Variants in ME3 observed in about 807,000 individuals in gnomAD.
ME3 encodes malic enzyme 3, also known as NADP-dependent malic enzyme, mitochondrial.
A neutral mutation model predicts 68.9 loss-of-function variants in ME3; 48 were observed. That is an observed-to-expected ratio of 0.70 (90% CI 0.55 to 0.89). ME3 has a LOEUF of 0.89. Ranked by LOEUF, ME3 falls within the 40% of genes least tolerant of loss-of-function variation. The pLI, the probability that ME3 is intolerant of heterozygous loss-of-function variation, is 0.00. For synonymous variants in ME3, 320 were observed against 318.8 expected, an observed-to-expected ratio of 1.00 and a Z score of -0.04; for missense variants, 675 against 797.4, an observed-to-expected ratio of 0.85 and a Z score of 1.85.
intron 2 of ME3, among the ~76,000 whole-genome samples, chr11:86,591,550 C>A (rs1565181071): frequency 6.6e-6 from 1 of 152,108 alleles, no homozygotes; most frequent in Admixed American, 6.5e-5. Context: ...CAGGAGAAAC[C>A]AAACCTGTCA....
intron 7 of ME3, among the ~76,000 whole-genome samples, chr11:86,473,627 C>T (rs145665918): frequency 2.5e-4 from 38 of 152,164 alleles, no homozygotes; most frequent in African/African-American, 8.2e-4. Context: ...AAGACACAGT[C>T]AGATGTCATA....
chr11:86,470,978 A>G (rs914007221), intron 7 of ME3, among the ~76,000 whole-genome samples: 10 of 152,092 alleles, frequency 6.6e-5, no homozygotes, highest in Admixed American at 5.2e-4. Context: ...TCTATTGCTG[A>G]ACACCTACTC....
chr11:86,553,303 G>C (rs1219543778), intron 4 of ME3, among the ~76,000 whole-genome samples: 2 of 152,198 alleles, frequency 1.3e-5, no homozygotes, highest in Admixed American at 6.5e-5. Context: ...AGCTTTGGTG[G>C]GGGGCCAGAC....
At position 86,648,639 on chromosome 11, in the gene ME3, G is replaced by T. The variant is rs568117322; in HGVS notation, c.183+23123C>A. ...TAATCTAATAGACATAATAAAAAATGATAAAGGGGATATCACCACTGATCC... is the reference window on the plus strand; with the variant it reads ...TAATCTAATAGACATAATAAAAAATTATAAAGGGGATATCACCACTGATCC... On this transcript the variant is annotated intron_variant, in intron 2 of 14. Coordinates refer to ENST00000543262, the Ensembl canonical transcript of ME3. Among the ~76,000 whole-genome samples, 3 of 152,090 alleles carry T rather than the reference G, an allele frequency of 2.0e-5. No individual in the cohort carries two copies. The East Asian group carries it at 5.8e-4, about 29-fold the overall frequency.
chr11:86,617,049 T>G (rs1035474410), intron 2 of ME3, among the ~76,000 whole-genome samples: 2 of 52,258 alleles, frequency 3.8e-5, no homozygotes, highest in South Asian at 5.5e-4. Flanking sequence ...ATAGTAGTTT[T>G]TTTTTTTTTT....
intron 2 of ME3, among the ~76,000 whole-genome samples, chr11:86,663,568 G>A (rs1485364852): frequency 3.3e-5 from 5 of 152,150 alleles, no homozygotes; most frequent in Admixed American, 3.3e-4. Flanking sequence ...GAAGGTTTTT[G>A]AAACTGACTG....
chr11:86,451,258 C>T (rs1949618679), intron 8 of ME3, among the ~76,000 whole-genome samples: 1 of 152,156 alleles, frequency 6.6e-6, no homozygotes, highest in Non-Finnish European at 1.5e-5. Context: ...AACAAAATAG[C>T]AAGACTGGTG....
At chr11:86,589,768 A>G (rs1958952787) in intron 2 of ME3, among the ~76,000 whole-genome samples, 1 of 152,244 alleles carries the variant, frequency 6.6e-6, no homozygotes, top group African/African-American at 2.4e-5. Flanking sequence ...CACTATTGGA[A>G]AACGTTTCTG....
chr11:86,576,151 C>G (rs1257604923), intron 2 of ME3, among the ~76,000 whole-genome samples: 1 of 152,166 alleles, frequency 6.6e-6, no homozygotes, highest in Non-Finnish European at 1.5e-5. Context: ...AGGTAGCTAA[C>G]ATCGTTATTT....
At chr11:86,599,161 G>A (rs185262807) in intron 2 of ME3, among the ~76,000 whole-genome samples, 3 of 152,298 alleles carry the variant, frequency 2.0e-5, no homozygotes, top group East Asian at 1.9e-4. Context: ...CTGAGCTACA[G>A]GAGGAAATTC....
chr11:86,645,694 G>T (rs895357215), intron 2 of ME3, among the ~76,000 whole-genome samples: 1 of 152,216 alleles, frequency 6.6e-6, no homozygotes, highest in African/African-American at 2.4e-5. Context: ...CAGCAATCGA[G>T]CTCTGCTAAG....
chr11:86,604,299 A>G (rs1961271890), intron 2 of ME3, among the ~76,000 whole-genome samples: 1 of 151,992 alleles, frequency 6.6e-6, no homozygotes, highest in Non-Finnish European at 1.5e-5. Flanking sequence ...TCCAGCCCCC[A>G]TTTCCTGTCG....
chr11:86,666,305 A>T (rs1946584778), intron 2 of ME3, among the ~76,000 whole-genome samples: 1 of 152,214 alleles, frequency 6.6e-6, no homozygotes. Flanking sequence ...TTCACAGCAG[A>T]GGTAAGACCT....
At chr11:86,578,925 G>C (rs1958278823) in intron 2 of ME3, among the ~76,000 whole-genome samples, 1 of 152,130 alleles carries the variant, frequency 6.6e-6, no homozygotes. Flanking sequence ...TTTGCAGATA[G>C]GAAAGTTGAG....
At chr11:86,568,520 C>T (rs143112066) in intron 2 of ME3, among the ~76,000 whole-genome samples, 2 of 152,228 alleles carry the variant, frequency 1.3e-5, no homozygotes, top group East Asian at 1.9e-4. Context: ...AGCTACTGAA[C>T]TCTATTTACC....
chr11:86,529,034 C>T (rs1277365586), intron 4 of ME3, among the ~76,000 whole-genome samples: 1 of 151,922 alleles, frequency 6.6e-6, no homozygotes, highest in Non-Finnish European at 1.5e-5. Context: ...GAGAGAGACA[C>T]AAAAAACCCC....
intron 2 of ME3, among the ~76,000 whole-genome samples, chr11:86,634,125 A>C (rs1944186640): frequency 6.6e-6 from 1 of 150,722 alleles, no homozygotes; most frequent in African/African-American, 2.4e-5. Flanking sequence ...GGAAGGAGGA[A>C]GAAAAAAAGG....
intron 2 of ME3, among the ~76,000 whole-genome samples, chr11:86,619,432 T>C (rs1244199524): frequency 6.6e-6 from 1 of 152,252 alleles, no homozygotes; most frequent in Admixed American, 6.5e-5. Context: ...TTGTTGATAA[T>C]GGTTTGGCTG....
chr11:86,639,505 G>A (rs1944536609), intron 2 of ME3, among the ~76,000 whole-genome samples: 1 of 152,298 alleles, frequency 6.6e-6, no homozygotes, highest in African/African-American at 2.4e-5. Flanking sequence ...CCGTATCCAG[G>A]ATATAAAATG....
Sources: gnomAD v4.1 joint callset for allele counts (sites outside exome capture counted in the v4.1 genomes callset) on GRCh38, gnomAD v4.1.1 for gene constraint, MANE v1.5 for transcripts, NCBI Gene and HGNC (gene_info 2026-07-23, HGNC 2026-07-21) for gene names.